RBFOX1: variants seen among roughly 807,000 people sequenced by gnomAD.
The protein encoded by RBFOX1 is RNA binding fox-1 homolog 1, also known as RNA binding protein fox-1 homolog 1.
In RBFOX1, 8 loss-of-function variants were observed where a neutral mutation model predicts 57.7. The ratio of observed to expected loss-of-function variants is 0.14; its 90% CI spans 0.08 to 0.25. The LOEUF (loss-of-function observed/expected upper bound fraction) is 0.25, where lower values mean the gene tolerates loss of function less well. Among genes scored for constraint, RBFOX1 ranks in the 10% least tolerant of loss-of-function variants. The pLI, the probability that RBFOX1 is intolerant of heterozygous loss-of-function variation, is 1.00. For synonymous variants in RBFOX1, 326 were observed against 222.4 expected (o/e 1.47, Z -4.15); for missense variants, 611 against 548.5 (o/e 1.11, Z -1.14).
chr16:5,687,125 A>C (rs1219054861), intron 3 of RBFOX1, among the ~76,000 whole-genome samples: 1 of 151,988 alleles, frequency 6.6e-6, no homozygotes, highest in Admixed American at 6.6e-5. Flanking sequence ...TACCCTGTCT[A>C]CTCTTTTATA....
At chr16:6,783,401 C>T (rs866572412) in intron 3 of RBFOX1, among the ~76,000 whole-genome samples, 2 of 142,894 alleles carry the variant, frequency 1.4e-5, no homozygotes, top group East Asian at 2.0e-4. Context: ...TTTTTGTGTC[C>T]CTGTTAAAGG....
In RBFOX1 at chr16:6,889,979, A is replaced by G. The variant is rs973018450; in HGVS notation, c.-15-162078A>G. Among the ~76,000 whole-genome samples the G allele has an allele frequency of 4.6e-5, 7 of 152,230 alleles. 1 individual carries two copies. The highest frequency in any genetic ancestry group is 3.9e-4 in the Admixed American group (6 of 15,284). ...GTGATAACTAGAATTCCAGGAGACCAATGTGTTTATATTTGTACAGTTGCT... is the reference window on the plus strand; with the variant it reads ...GTGATAACTAGAATTCCAGGAGACCGATGTGTTTATATTTGTACAGTTGCT... On this transcript the variant is annotated intron_variant, in intron 3 of 15. Transcript: ENST00000550418.
chr16:6,744,375 A>G (rs918313713), intron 3 of RBFOX1, among the ~76,000 whole-genome samples: 6 of 152,144 alleles, frequency 3.9e-5, no homozygotes, highest in African/African-American at 2.4e-5. Context: ...AGAACCCTCT[A>G]TCCTAAAATA....
At chr16:6,887,491 C>T (rs2064344550) in intron 3 of RBFOX1, among the ~76,000 whole-genome samples, 1 of 152,100 alleles carries the variant, frequency 6.6e-6, no homozygotes, top group Non-Finnish European at 1.5e-5. Flanking sequence ...TTTTTCTATC[C>T]CTGGAATCAT....
chr16:7,095,221 C>A (rs1392385161), intron 4 of RBFOX1, among the ~76,000 whole-genome samples: 1 of 152,140 alleles, frequency 6.6e-6, no homozygotes, highest in Admixed American at 6.5e-5. Context: ...ACTGCAACCT[C>A]CGCCTCCCAG....
rs141398145 is a variant in RBFOX1, at chr16:6,839,297, C to G, written c.-16+184647C>G. Among the ~76,000 whole-genome samples, 121 of 152,204 alleles carry G rather than the reference C, an allele frequency of 7.9e-4. 1 individual carries two copies. The highest frequency in any genetic ancestry group is 2.9e-3 in the African/African-American group (120 of 41,536). ...ACTGTGCCCGGCACATCATTTTCAA[C>G]ATAGCTGCCTCAGTCTGAAAACGAT... On this transcript the variant is annotated intron_variant, in intron 3 of 15. Coordinates refer to ENST00000550418, the MANE Select transcript of RBFOX1 (RefSeq NM_018723.4).
chr16:5,459,149 G>C (rs1034803409), intron 1 of RBFOX1, among the ~76,000 whole-genome samples: 4 of 152,208 alleles, frequency 2.6e-5, no homozygotes, highest in African/African-American at 7.2e-5. Context: ...CTTGGCGATG[G>C]AGTTCCCACA....
At chr16:6,495,690 C>T (rs939292505) in intron 2 of RBFOX1, among the ~76,000 whole-genome samples, 6 of 152,166 alleles carry the variant, frequency 3.9e-5, no homozygotes, top group African/African-American at 9.7e-5. Flanking sequence ...ATCTCCAAGA[C>T]GTAGATTTCA....
At chr16:7,530,806 T>C (rs577684815) in intron 5 of RBFOX1, among the ~76,000 whole-genome samples, 34 of 152,302 alleles carry the variant, frequency 2.2e-4, no homozygotes, top group African/African-American at 7.7e-4. Flanking sequence ...ATAACCAGAC[T>C]CTCAAGAGAC....
intron 11 of RBFOX1, among the ~76,000 whole-genome samples, chr16:7,643,122 A>G (rs1485631466): frequency 3.9e-5 from 6 of 152,200 alleles, no homozygotes; most frequent in Non-Finnish European, 2.9e-5. Flanking sequence ...CAGCACGCCA[A>G]TTAGTTACCA....
At chr16:7,197,998 C>CTTTCTTTCTTTTTTTTTTTTTTTTTTT (rs61556349) in intron 4 of RBFOX1, among the ~76,000 whole-genome samples, 8 of 55,592 alleles carry the variant, frequency 1.4e-4, no homozygotes, top group Non-Finnish European at 1.9e-4. Flanking sequence ...TTCTTTCTTT[C>CTTTCTTTCTTTTTTTTTTTTTTTTTTT]TTTTTTTTTT....
chr16:6,360,593 G>A (rs968493389), intron 2 of RBFOX1, among the ~76,000 whole-genome samples: 1 of 152,176 alleles, frequency 6.6e-6, no homozygotes, highest in African/African-American at 2.4e-5. Context: ...TTATTATGGA[G>A]CTGTAACACT....
chr16:6,538,327 A>G lies in RBFOX1; in HGVS notation c.-63-116276A>G, dbSNP rs113037410. Among the ~76,000 whole-genome samples the G allele has an allele frequency of 3.5e-3, 530 of 152,282 alleles. 2 individuals are homozygous for G. Among genetic ancestry groups the G allele is most frequent in the Admixed American group, 7.1e-3 (108 of 15,288 alleles). ...CAGCACAGGGAGACCTCATCTCTAC[A>G]GAAAATAAAAATAAATTAGCTGAGT... On this transcript the variant is annotated intron_variant, in intron 2 of 15. Transcript: ENST00000550418.
At chr16:5,394,641 A>T (rs2066500796) in intron 1 of RBFOX1, among the ~76,000 whole-genome samples, 1 of 143,890 alleles carries the variant, frequency 6.9e-6, no homozygotes, top group African/African-American at 2.6e-5. Flanking sequence ...GGCTCGCTGC[A>T]TTCTCGACCT....
intron 2 of RBFOX1, among the ~76,000 whole-genome samples, chr16:6,632,610 G>A (rs970987618): frequency 6.6e-6 from 1 of 152,196 alleles, no homozygotes; most frequent in Non-Finnish European, 1.5e-5. Context: ...TTAGAAGGCA[G>A]GCCTGGCCAT....
chr16:5,949,684 C>T (rs1044309203), intron 4 of RBFOX1, among the ~76,000 whole-genome samples: 2 of 152,058 alleles, frequency 1.3e-5, no homozygotes, highest in Non-Finnish European at 2.9e-5. Flanking sequence ...ATGGTCAAGC[C>T]ATTTGTTTTG....
At chr16:7,616,574 G>A (rs908282647) in intron 10 of RBFOX1, among the ~76,000 whole-genome samples, 1 of 152,176 alleles carries the variant, frequency 6.6e-6, no homozygotes, top group African/African-American at 2.4e-5. Flanking sequence ...TTTTGTTTTT[G>A]TTTTTGGGAT....
intron 1 of RBFOX1, among the ~76,000 whole-genome samples, chr16:5,389,666 CTATTT>C (rs972093697): frequency 2.6e-5 from 4 of 151,658 alleles, no homozygotes; most frequent in Admixed American, 6.6e-5. Context: ...GCTTCTCTTC[CTATTT>C]TATTTTATTT....
intron 2 of RBFOX1, among the ~76,000 whole-genome samples, chr16:6,603,851 C>T (rs935073990): frequency 2.0e-5 from 3 of 152,146 alleles, no homozygotes; most frequent in Non-Finnish European, 4.4e-5. Context: ...GTCCATGTGA[C>T]CCCATTTGCC....
Sources: gnomAD v4.1 joint callset for allele counts (sites outside exome capture counted in the v4.1 genomes callset) on GRCh38, gnomAD v4.1.1 for gene constraint, MANE v1.5 for transcripts, NCBI Gene and HGNC (gene_info 2026-07-23, HGNC 2026-07-21) for gene names.